The following PLCH2 variants were observed in gnomAD, a reference collection of about 807,000 sequenced individuals.
PLCH2 encodes phospholipase C eta 2, also known as 1-phosphatidylinositol 4,5-bisphosphate phosphodiesterase eta-2.
PLCH2 carries 98 observed loss-of-function variants against 134.7 expected under a neutral mutation model. The ratio of observed to expected loss-of-function variants is 0.73; its 90% CI spans 0.62 to 0.86. The LOEUF (loss-of-function observed/expected upper bound fraction) is 0.86. PLCH2 is among the 40% of genes least tolerant of loss of function. The pLI is 0.00. For synonymous variants in PLCH2, 974 were observed against 827.5 expected (o/e 1.18, Z -3.04); for missense variants, 1,994 against 1,986.6 (o/e 1.00, Z -0.07).
chr1:2,432,925 G>A (rs1301224186), intron 2 of PLCH2, among the ~76,000 whole-genome samples: 1 of 152,164 alleles, frequency 6.6e-6, no homozygotes, highest in Non-Finnish European at 1.5e-5. Context: ...TCTCTTCCCG[G>A]TGCACACACG....
chr1:2,433,337 A>G (rs1369464710), intron 2 of PLCH2, among the ~76,000 whole-genome samples: 2 of 152,204 alleles, frequency 1.3e-5, no homozygotes, highest in African/African-American at 4.8e-5. Context: ...CCTCCCTGGC[A>G]TCTCCATGTG....
At chr1:2,427,904 G>A (rs554692703) in intron 1 of PLCH2, among the ~76,000 whole-genome samples, 2 of 152,212 alleles carry the variant, frequency 1.3e-5, no homozygotes, top group East Asian at 3.9e-4. Flanking sequence ...AGCAGTGGGC[G>A]GGCAGGCTGG....
At chr1:2,425,215 C>T (rs1024173292), upstream of PLCH2, among the ~76,000 whole-genome samples, 1 of 150,480 alleles carries the variant, frequency 6.6e-6, no homozygotes, top group Non-Finnish European at 1.5e-5. Flanking sequence ...TGGGCGCATG[C>T]ACACACACAC....
chr1:2,492,829 T>C (rs565975128), intron 11 of PLCH2, among the ~76,000 whole-genome samples: 2 of 152,190 alleles, frequency 1.3e-5, no homozygotes, highest in East Asian at 3.9e-4. Context: ...CCCATGAACC[T>C]TGAGGACGTG....
intron 2 of PLCH2, among the ~76,000 whole-genome samples, chr1:2,462,184 C>T (rs1294668310): frequency 9.4e-6 from 1 of 106,132 alleles, no homozygotes; most frequent in Non-Finnish European, 1.9e-5. Flanking sequence ...GACACCCCCT[C>T]CACCTGACAC....
intron 21 of PLCH2, chr1:2,503,377 G>T (rs1191581785): frequency 1.7e-6 from 1 of 585,126 alleles, no homozygotes; most frequent in African/African-American, 1.9e-5. Context: ...ATGTGGGCAG[G>T]TAGTGCAGCT....
At chr1:2,459,506 T>TTTCC (rs1640687345) in intron 2 of PLCH2, among the ~76,000 whole-genome samples, 1 of 75,968 alleles carries the variant, frequency 1.3e-5, no homozygotes, top group Admixed American at 1.3e-4. Flanking sequence ...TCCTCCTTCC[T>TTTCC]GGTGGTCCTC....
chr1:2,464,432 G>A (rs758434376), upstream of PLCH2, among the ~76,000 whole-genome samples: 13 of 152,248 alleles, frequency 8.5e-5, no homozygotes, highest in African/African-American at 1.2e-4. Flanking sequence ...AGTGCACAGA[G>A]GTCCTCAGGG....
chr1:2,455,101 C>G (rs1640426397), intron 2 of PLCH2, among the ~76,000 whole-genome samples: 1 of 152,204 alleles, frequency 6.6e-6, no homozygotes, highest in South Asian at 2.1e-4. Flanking sequence ...ATGCTGAGCC[C>G]CCAGCGGAGC....
intron 12 of PLCH2, 84 bp from the exon 13 acceptor site, chr1:2,495,404 T>C (rs1250109926): frequency 3.1e-5 from 36 of 1,169,966 alleles, no homozygotes; most frequent in South Asian, 1.6e-4. Flanking sequence ...CCCCGGAGGA[T>C]AGGCCCTCCC....
upstream of PLCH2, among the ~76,000 whole-genome samples, chr1:2,464,651 C>T (rs879652675): frequency 6.6e-6 from 1 of 152,236 alleles, no homozygotes; most frequent in Admixed American, 6.5e-5. Flanking sequence ...ATGGAAGGTG[C>T]ACTGCAGGGA....
At chr1:2,456,195 C>T (rs931443245) in intron 2 of PLCH2, among the ~76,000 whole-genome samples, 1 of 152,154 alleles carries the variant, frequency 6.6e-6, no homozygotes, top group African/African-American at 2.4e-5. Context: ...GGTTACCAAG[C>T]CGCCAGCACC....
intron 2 of PLCH2, among the ~76,000 whole-genome samples, chr1:2,450,977 C>T (rs1178136401): frequency 4.0e-5 from 6 of 151,474 alleles, no homozygotes; most frequent in South Asian, 2.1e-4. Flanking sequence ...AGGGACAGCT[C>T]GGCAGTGGGA....
At chr1:2,478,048 C>T (rs541878613) in intron 1 of PLCH2, among the ~76,000 whole-genome samples, 7 of 152,242 alleles carry the variant, frequency 4.6e-5, no homozygotes, top group Admixed American at 6.5e-5. Flanking sequence ...GCCTCGTGCC[C>T]GGCCTTCCCA....
rs577628109 is a variant in PLCH2, at chr1:2,438,763, C to T, written c.115+8134C>T. Among the ~76,000 whole-genome samples the T allele has an allele frequency of 1.4e-4, 21 of 152,364 alleles. 1 individual carries two copies. In the South Asian group the frequency reaches 2.7e-3, roughly 20 times the overall value. ...GATCATTCCAGCTGGGAGCACCCCC[C>T]GTCCCGCTGCCTGCCCACCAGTCTG... On this transcript the variant is annotated intron_variant, in intron 2 of 3. Coordinates refer to the PLCH2 transcript ENST00000609981.
chr1:2,491,306 C>G lies in PLCH2; in HGVS notation c.1630C>G (p.Leu544Val). The change falls in exon 11 of 22, where the codon CTG (leucine) becomes GTG (valine). Residue 544 changes from leucine to valine, a missense_variant. Leu to Val is a conservative substitution (Grantham distance 32). This residue lies in a region of PLCH2 where 1,094 missense variants were observed against 1,234.3 expected (regional missense o/e 0.89). Coordinates refer to ENST00000378486, the MANE Select transcript of PLCH2 (RefSeq NM_014638.4). ...EDPNNFSVSTLSPSGKLGRKS... is the reference protein window; with the variant it reads ...EDPNNFSVSTVSPSGKLGRKS... ...CCCCAACAACTTCTCCGTCTCCACA[C>G]TGTCCCCATCTGGAAAGCTCGGACG... 2 of 1,613,238 alleles carry G rather than the reference C, an allele frequency of 1.2e-6. No homozygotes were observed. The highest frequency in any genetic ancestry group is 2.2e-5 in the South Asian group (2 of 91,078).
chr1:2,437,510 G>A lies in PLCH2; in HGVS notation c.115+6881G>A, dbSNP rs184666654. Reference sequence around the variant, plus strand: ...GCCCAGATCCTGGGAACACCCTCCCGCCCACCATCCGACTCAGCCTGGGGG... The same window carrying A: ...GCCCAGATCCTGGGAACACCCTCCCACCCACCATCCGACTCAGCCTGGGGG... On this transcript the variant is annotated intron_variant, in intron 2 of 3. Transcript: ENST00000609981. Among the ~76,000 whole-genome samples the A allele has an allele frequency of 4.9e-4, 75 of 151,816 alleles. No individual in the cohort carries two copies. The East Asian group carries it at 9.7e-3, about 20-fold the overall frequency.
upstream of PLCH2, among the ~76,000 whole-genome samples, chr1:2,421,377 G>A (rs1249982481): frequency 6.6e-6 from 1 of 152,196 alleles, no homozygotes; most frequent in African/African-American, 2.4e-5. Context: ...TCATCAGCTG[G>A]TTGTTGGACA....
At chr1:2,436,310 C>CACCTT (rs1486401275) in intron 2 of PLCH2, among the ~76,000 whole-genome samples, 1 of 63,796 alleles carries the variant, frequency 1.6e-5, no homozygotes, top group Non-Finnish European at 3.3e-5. Flanking sequence ...TTCTTCCCTC[C>CACCTT]TCCCTTCCTC....
Sources: gnomAD v4.1 joint callset for allele counts (sites outside exome capture counted in the v4.1 genomes callset) on GRCh38, gnomAD v4.1.1 for gene constraint, gnomAD v4.1.1 regional missense constraint, MANE v1.5 for transcripts, NCBI Gene and HGNC (gene_info 2026-07-23, HGNC 2026-07-21) for gene names.